The following PLCE1 variants were observed in gnomAD, a reference collection of about 807,000 sequenced individuals.
The protein encoded by PLCE1 is phospholipase C epsilon 1.
Under a neutral mutation model 242.8 loss-of-function variants are expected in PLCE1, and 119 were observed. The ratio of observed to expected loss-of-function variants is 0.49; its 90% CI spans 0.42 to 0.57. The LOEUF (loss-of-function observed/expected upper bound fraction) is 0.57, where lower values mean the gene tolerates loss of function less well. Ranked by LOEUF, PLCE1 falls within the 20% of genes least tolerant of loss-of-function variation. PLCE1 has a pLI of 0.00. For synonymous variants in PLCE1, 945 were observed against 1,017.4 expected (o/e 0.93, Z 1.35); for missense variants, 2,441 against 2,788.8 (o/e 0.88, Z 2.81).
At chr10:94,125,415 C>A (rs2046408870) in intron 2 of PLCE1, among the ~76,000 whole-genome samples, 1 of 151,444 alleles carries the variant, frequency 6.6e-6, no homozygotes, top group African/African-American at 2.4e-5. Flanking sequence ...TTTTTTGAGA[C>A]AGAGTCTCGC....
intron 4 of PLCE1, among the ~76,000 whole-genome samples, chr10:94,191,174 A>G (rs892388725): frequency 1.3e-5 from 2 of 152,226 alleles, no homozygotes; most frequent in Non-Finnish European, 2.9e-5. Context: ...TGAGAAGTAC[A>G]TTAACAGAGC....
intron 2 of PLCE1, among the ~76,000 whole-genome samples, chr10:94,032,726 G>A (rs1471128583): frequency 6.6e-6 from 1 of 151,876 alleles, no homozygotes; most frequent in Non-Finnish European, 1.5e-5. Flanking sequence ...TGAAACCTAT[G>A]GATTCAGAAT....
At chr10:94,274,765 T>C (rs1421391489) in intron 19 of PLCE1, among the ~76,000 whole-genome samples, 1 of 152,200 alleles carries the variant, frequency 6.6e-6, no homozygotes, top group Non-Finnish European at 1.5e-5. Context: ...CCAGTAGGTC[T>C]ACCTTTATCC....
chr10:94,082,651 G>A (rs1361810), intron 2 of PLCE1, among the ~76,000 whole-genome samples: 52,101 of 152,044 alleles, frequency 0.34, 10,407 homozygotes, highest in African/African-American at 0.56. Context: ...ATGTATTTTT[G>A]AATGAATGAA....
chr10:94,230,709 A>C (rs938694092), intron 5 of PLCE1, among the ~76,000 whole-genome samples: 1 of 152,184 alleles, frequency 6.6e-6, no homozygotes, highest in Admixed American at 6.5e-5. Context: ...CCCTGGGCTC[A>C]AGTAATCCTC....
At chr10:94,313,586 C>T (rs1181727178) in intron 28 of PLCE1, among the ~76,000 whole-genome samples, 2 of 152,150 alleles carry the variant, frequency 1.3e-5, no homozygotes, top group African/African-American at 4.8e-5. Flanking sequence ...ATCTTGGTAC[C>T]ACTAGACAAA....
intron 7 of PLCE1, among the ~76,000 whole-genome samples, chr10:94,245,733 C>T (rs1024497009): frequency 2.6e-5 from 4 of 152,242 alleles, no homozygotes; most frequent in Non-Finnish European, 5.9e-5. Flanking sequence ...GTGGTCCACC[C>T]TCAGCCTCCC....
chr10:94,219,123 A>T (rs1348899438), intron 4 of PLCE1, among the ~76,000 whole-genome samples: 1 of 151,958 alleles, frequency 6.6e-6, no homozygotes, highest in East Asian at 1.9e-4. Flanking sequence ...CAATGGGCAG[A>T]TACCATGTCT....
intron 2 of PLCE1, among the ~76,000 whole-genome samples, chr10:94,095,130 TAG>T (rs1390130328): frequency 6.6e-6 from 1 of 152,182 alleles, no homozygotes; most frequent in East Asian, 1.9e-4. Context: ...GGCTCCTTTC[TAG>T]AGAGAGACTG....
At chr10:94,069,652 G>C (rs1353714529) in intron 2 of PLCE1, among the ~76,000 whole-genome samples, 1 of 152,082 alleles carries the variant, frequency 6.6e-6, no homozygotes, top group Non-Finnish European at 1.5e-5. Context: ...AAACAGACTA[G>C]AGATATGGAA....
chr10:94,277,989 C>A (rs1038819065), intron 19 of PLCE1, among the ~76,000 whole-genome samples: 1 of 152,164 alleles, frequency 6.6e-6, no homozygotes, highest in African/African-American at 2.4e-5. Context: ...CACCTATTAA[C>A]ACCCACCGAG....
chr10:94,033,046 T>C (rs1413496147), intron 2 of PLCE1, among the ~76,000 whole-genome samples: 4 of 152,076 alleles, frequency 2.6e-5, no homozygotes, highest in African/African-American at 9.7e-5. Context: ...TTACATAGTA[T>C]AAGGTATTCT....
At chr10:94,096,957 A>T (rs2045337794) in intron 2 of PLCE1, 1 of 152,196 alleles carries the variant, frequency 6.6e-6, no homozygotes. Context: ...GAAACTTTCT[A>T]TACTTAGGTA....
rs762697292 is a variant in PLCE1 at position 94,252,452 on chromosome 10, C to A, written c.3233C>A (p.Thr1078Asn). 6 of 1,613,882 alleles carry A rather than the reference C, an allele frequency of 3.7e-6. No individual in the cohort carries two copies. Among genetic ancestry groups the A allele is most frequent in the Admixed American group, 3.3e-5 (2 of 60,000 alleles). ...AAGCCCAATATGCAGAGAAACAATA[C>A]CCTGGGCATAAGCACTACCAAGAAA... ...AEKPNMQRNN[T>N]LGISTTKKKK... Residue 1078 changes from threonine to asparagine, a missense_variant, in exon 9 of 33, where the codon ACC becomes AAC. Transcript: ENST00000371380.
At position 94,088,880 on chromosome 10, in the gene PLCE1, A is replaced by G. The variant is rs979323153; in HGVS notation, c.1207-43294A>G. ...AAGTAATCCTAAATTTACAGAAGCC[A>G]GATTACTAAAACGCAAGGACATTTT... On this transcript the variant is annotated intron_variant, in intron 2 of 32. Transcript: ENST00000371380. 7.9e-5 allele frequency: 36 copies of G among 454,750 alleles called. 1 individual carries two copies. Among genetic ancestry groups the G allele is most frequent in the Non-Finnish European group, 1.3e-4 (33 of 260,480 alleles). 28.2% of individuals were successfully genotyped at this position (454,750 alleles called of 1,614,324 possible). A position where few individuals can be genotyped will look rare whatever the true frequency, so the allele number is the denominator to read the frequency against.
chr10:94,021,576 C>T (rs1011159361), intron 1 of PLCE1, among the ~76,000 whole-genome samples: 4 of 152,178 alleles, frequency 2.6e-5, no homozygotes, highest in Admixed American at 2.6e-4. Flanking sequence ...AAATCTATTT[C>T]TAGACTATAT....
chr10:94,219,212 A>G (rs1299615911), intron 4 of PLCE1, among the ~76,000 whole-genome samples: 1 of 152,122 alleles, frequency 6.6e-6, no homozygotes, highest in Non-Finnish European at 1.5e-5. Context: ...AGGGAGGATC[A>G]CCTCAAGTCA....
chr10:94,307,927 A>G (rs2053260447), intron 26 of PLCE1, among the ~76,000 whole-genome samples: 2 of 152,010 alleles, frequency 1.3e-5, no homozygotes, highest in East Asian at 1.9e-4. Context: ...TTAATTATCC[A>G]TTTTTCCATC....
At chr10:94,158,698 T>C (rs1318227325) in intron 3 of PLCE1, among the ~76,000 whole-genome samples, 1 of 152,074 alleles carries the variant, frequency 6.6e-6, no homozygotes, top group Non-Finnish European at 1.5e-5. Context: ...AAGTGCACTA[T>C]AGAGTTTTTT....
Sources: gnomAD v4.1 joint callset for allele counts (sites outside exome capture counted in the v4.1 genomes callset) on GRCh38, gnomAD v4.1.1 for gene constraint, MANE v1.5 for transcripts, NCBI Gene and HGNC (gene_info 2026-07-23, HGNC 2026-07-21) for gene names.